TAAR9: variants seen among roughly 807,000 people sequenced by gnomAD.
The protein encoded by TAAR9 is trace amine-associated receptor 9.
For missense variants in TAAR9, 453 were observed against 409.4 expected, an observed-to-expected ratio of 1.11 and a Z score of -0.92; for synonymous variants, 162 against 152.6, an observed-to-expected ratio of 1.06 and a Z score of -0.45.
At chr6:132,538,957 T>C in exon 1 of TAAR9, 1 of 1,550,680 alleles carries the variant, frequency 6.4e-7, no homozygotes, top group South Asian at 1.3e-5. Context: ...ATATTTTTGG[T>C]GGCCAAGCAT....
chr6:132,539,003 T>A (rs781344992), exon 1 of TAAR9: 133 of 1,530,690 alleles, frequency 8.7e-5, no homozygotes, highest in Non-Finnish European at 1.1e-4. Flanking sequence ...CCAGCCAAGC[T>A]CAGTCCTCCT....
At chr6:132,538,455 G>A in exon 1 of TAAR9, 2 of 1,613,080 alleles carry the variant, frequency 1.2e-6, no homozygotes, top group South Asian at 2.2e-5. Context: ...GGTCATGATT[G>A]CTATCCTTCA....
exon 1 of TAAR9, chr6:132,538,489 C>A (rs143577351): frequency 2.5e-6 from 4 of 1,613,474 alleles, no homozygotes; most frequent in Non-Finnish European, 3.4e-6. Flanking sequence ...CACACACCTA[C>A]AAACTTTCTG....
chr6:132,539,299 C>G, exon 1 of TAAR9: 4 of 1,611,306 alleles, frequency 2.5e-6, no homozygotes, highest in Non-Finnish European at 2.5e-6. Flanking sequence ...GATTCGTCAA[C>G]AACTAATTTA....
chr6:132,538,346 C>A, exon 1 of TAAR9: 1 of 1,613,226 alleles, frequency 6.2e-7, no homozygotes, highest in South Asian at 1.1e-5. Context: ...AGAACGTGAA[C>A]GAATCCTGCA....
Position 132,539,014 on chromosome 6 carries a change from CAG to C in TAAR9, c.730_731del (p.Ser244LeufsTer33). The C allele has an allele frequency of 2.6e-6, 4 of 1,530,276 alleles. No individual in the cohort carries two copies. The highest frequency in any genetic ancestry group is 3.5e-6 in the Non-Finnish European group (4 of 1,144,050). 94.8% of individuals were successfully genotyped at this position (1,530,276 alleles called of 1,614,324 possible). A position where few individuals can be genotyped will look rare whatever the true frequency, so the allele number is the denominator to read the frequency against. ...ACAGCCAGCCAAGCTCAGTCCTCCT[CAG>C]AGAGTTACAAGGAAAGAGTAGCAAA... On this transcript the variant is annotated frameshift_variant, in exon 1 of 1. Transcript: ENST00000434551. LOFTEE classifies it low-confidence loss of function (END_TRUNC).
chr6:132,539,277 G>A (rs757490975), exon 1 of TAAR9: 9 of 1,612,908 alleles, frequency 5.6e-6, no homozygotes, highest in South Asian at 1.1e-5. Flanking sequence ...AAGCGGCAAG[G>A]TCTTAAGGAC....
exon 1 of TAAR9, chr6:132,538,576 G>A (rs764181148): frequency 8.8e-6 from 14 of 1,593,672 alleles, no homozygotes; most frequent in South Asian, 1.1e-5. Context: ...TCTGTGGAGA[G>A]CTGTTGGTAC....
exon 1 of TAAR9, chr6:132,539,313 T>C: frequency 6.2e-7 from 1 of 1,609,564 alleles, no homozygotes; most frequent in Non-Finnish European, 8.5e-7. Flanking sequence ...TAATTTATTT[T>C]CTGAAGAAGT....
At chr6:132,539,272 G>A in exon 1 of TAAR9, 2 of 1,612,832 alleles carry the variant, frequency 1.2e-6, no homozygotes, top group South Asian at 1.1e-5. Flanking sequence ...ATTGTAAGCG[G>A]CAAGGTCTTA....
chr6:132,539,138 T>A lies in TAAR9; in HGVS notation c.849T>A (p.Tyr283Ter). The A allele has an allele frequency of 1.3e-6, 2 of 1,574,350 alleles. No individual in the cohort carries two copies. The highest frequency in any genetic ancestry group is 1.7e-6 in the Non-Finnish European group (2 of 1,163,588). The change falls in exon 1 of 1, where the codon TAT becomes TAA. Residue 283 changes from tyrosine (Y) to a stop codon, truncating the protein, a stop_gained. Transcript: ENST00000434551. LOFTEE classifies it low-confidence loss of function (END_TRUNC). The stretch of plus-strand genomic sequence containing the variant: ...TCGTTGATGCAGTGATTGATGCTTA[T>A]ATGAATTTTATAACTCCTCCTTATG...
exon 1 of TAAR9, chr6:132,538,579 G>C (rs1776252709): frequency 1.3e-6 from 2 of 1,590,556 alleles, no homozygotes; most frequent in African/African-American, 1.4e-5. Flanking sequence ...GTGGAGAGCT[G>C]TTGGTACTTT....
exon 1 of TAAR9, chr6:132,538,833 G>A (rs1356353812): frequency 6.2e-7 from 1 of 1,613,868 alleles, no homozygotes; most frequent in East Asian, 2.2e-5. Context: ...GGAATTAGTA[G>A]TTGCTCTAAC....
chr6:132,538,392 C>T (rs761234107), exon 1 of TAAR9: 4 of 1,613,826 alleles, frequency 2.5e-6, no homozygotes, highest in South Asian at 1.1e-5. Context: ...TCGATCTATC[C>T]TCTACGCCGT....
exon 1 of TAAR9, chr6:132,538,698 C>A (rs1488164041): frequency 6.2e-7 from 1 of 1,613,532 alleles, no homozygotes; most frequent in Non-Finnish European, 8.5e-7. Flanking sequence ...TGTTACTGAT[C>A]CTCTGACCTA....
At chr6:132,538,472 A>G in exon 1 of TAAR9, 2 of 1,612,468 alleles carry the variant, frequency 1.2e-6, no homozygotes, top group Non-Finnish European at 1.7e-6. Context: ...TTCACTTCAA[A>G]CAACTGCACA....
exon 1 of TAAR9, chr6:132,539,094 G>T (rs745772719): frequency 1.3e-6 from 2 of 1,542,182 alleles, no homozygotes; most frequent in African/African-American, 2.8e-5. Flanking sequence ...AGCATTTCTT[G>T]TCTCTTGGCT....
exon 1 of TAAR9, chr6:132,539,064 A>T (rs1582704856): frequency 1.3e-6 from 2 of 1,531,760 alleles, no homozygotes; most frequent in Non-Finnish European, 1.7e-6. Context: ...GGCTGCCAAA[A>T]CCTTGGGAAT....
exon 1 of TAAR9, chr6:132,539,076 G>T: frequency 6.5e-7 from 1 of 1,535,694 alleles, no homozygotes; most frequent in South Asian, 1.3e-5. Context: ...CTTGGGAATT[G>T]CTATGGCAGC....
Sources: allele counts gnomAD v4.1 joint callset, GRCh38; gene constraint gnomAD v4.1.1; transcripts MANE v1.5; gene names NCBI Gene and HGNC (gene_info 2026-07-23, HGNC 2026-07-21).